The following RBFOX1 variants were observed in gnomAD, a reference collection of about 807,000 sequenced individuals.
The protein encoded by RBFOX1 is RNA binding fox-1 homolog 1.
A neutral mutation model predicts 57.7 loss-of-function variants in RBFOX1; 8 were observed. That is an observed-to-expected ratio of 0.14 (90% CI 0.08 to 0.25). The LOEUF (loss-of-function observed/expected upper bound fraction) is 0.25. Ranked by LOEUF, RBFOX1 falls within the 10% of genes least tolerant of loss-of-function variation. RBFOX1 has a pLI of 1.00. For missense variants in RBFOX1, 611 were observed against 548.5 expected, an observed-to-expected ratio of 1.11 and a Z score of -1.14; for synonymous variants, 326 against 222.4, an observed-to-expected ratio of 1.47 and a Z score of -4.15.
intron 4 of RBFOX1, among the ~76,000 whole-genome samples, chr16:7,380,533 A>T (rs1350993667): frequency 2.0e-5 from 3 of 152,216 alleles, no homozygotes; most frequent in African/African-American, 7.2e-5. Flanking sequence ...CTGTAATTTA[A>T]ACAACCAGTT....
At chr16:7,647,650 A>G (rs2064018317) in intron 11 of RBFOX1, among the ~76,000 whole-genome samples, 1 of 152,176 alleles carries the variant, frequency 6.6e-6, no homozygotes, top group Non-Finnish European at 1.5e-5. Flanking sequence ...AGAGGCATTT[A>G]CAAATACTGG....
intron 4 of RBFOX1, among the ~76,000 whole-genome samples, chr16:7,174,196 G>A (rs79457855): frequency 0.033 from 4,830 of 148,574 alleles, 98 homozygotes; most frequent in South Asian, 0.098. Flanking sequence ...TTTTTTTTTC[G>A]TGAACATGAG....
At chr16:6,504,817 A>G (rs188655999) in intron 2 of RBFOX1, among the ~76,000 whole-genome samples, 1,877 of 152,250 alleles carry the variant, frequency 0.012, 20 homozygotes, top group Non-Finnish European at 0.019. Flanking sequence ...GCACTTTGGG[A>G]GGCCGAGGTG....
intron 1 of RBFOX1, among the ~76,000 whole-genome samples, chr16:5,423,139 G>A (rs2067405361): frequency 6.6e-6 from 1 of 151,778 alleles, no homozygotes; most frequent in South Asian, 2.1e-4. Flanking sequence ...GGTGGAGAGG[G>A]AGAAGGTTGA....
rs1405477299 is a variant in RBFOX1 at position 7,004,898 on chromosome 16, C to G, written c.-15-47159C>G. Among the ~76,000 whole-genome samples the G allele has an allele frequency of 2.6e-5, 4 of 152,104 alleles. No homozygotes were observed. The East Asian group carries it at 7.7e-4, about 29-fold the overall frequency. On this transcript the variant is annotated intron_variant, in intron 3 of 15. Coordinates refer to ENST00000550418, the MANE Select transcript of RBFOX1 (RefSeq NM_018723.4). ...GGTGAGGTGACTCACACCTGTAATT[C>G]CAGGACTTTGTAAGGTGGGCCGATC...
At position 6,494,197 on chromosome 16, in the gene RBFOX1, G is replaced by A. The variant is rs549054620; in HGVS notation, c.-63-160406G>A. Among the ~76,000 whole-genome samples the A allele has an allele frequency of 3.3e-5, 5 of 152,280 alleles. No homozygotes were observed. In the South Asian group the frequency reaches 8.3e-4, roughly 25 times the overall value. ...TCGTATCGAGGATACTGGCATGGCT[G>A]CAATCCACTGACCTTATTTGAATTT... On this transcript the variant is annotated intron_variant, in intron 2 of 15. Transcript: ENST00000550418.
chr16:6,558,806 C>G (rs2097140026), intron 2 of RBFOX1, among the ~76,000 whole-genome samples: 1 of 149,336 alleles, frequency 6.7e-6, no homozygotes, highest in Admixed American at 6.7e-5. Flanking sequence ...CTCAAGCCCA[C>G]TAGCTCTTGC....
At chr16:5,943,284 A>T (rs117684288) in intron 4 of RBFOX1, among the ~76,000 whole-genome samples, 1 of 152,160 alleles carries the variant, frequency 6.6e-6, no homozygotes, top group Non-Finnish European at 1.5e-5. Context: ...CTTTCTTAGT[A>T]TGTAGTCCAG....
At chr16:7,437,709 T>G (rs1232591620) in intron 4 of RBFOX1, among the ~76,000 whole-genome samples, 2 of 152,140 alleles carry the variant, frequency 1.3e-5, no homozygotes, top group East Asian at 1.9e-4. Context: ...GTCTGGAGAT[T>G]AGCCTACTCC....
intron 2 of RBFOX1, among the ~76,000 whole-genome samples, chr16:6,422,798 C>T (rs1381070766): frequency 2.0e-5 from 3 of 152,168 alleles, no homozygotes; most frequent in Admixed American, 2.0e-4. Context: ...AACCACCTCC[C>T]ACCAGGCCCC....
At chr16:6,223,435 A>G (rs1461058553) in intron 1 of RBFOX1, among the ~76,000 whole-genome samples, 1 of 151,256 alleles carries the variant, frequency 6.6e-6, no homozygotes, top group Non-Finnish European at 1.5e-5. Flanking sequence ...TTTGATTTGC[A>G]TTTCTCTGAT....
chr16:5,836,619 C>A (rs530597661), intron 3 of RBFOX1, among the ~76,000 whole-genome samples: 1 of 152,328 alleles, frequency 6.6e-6, no homozygotes, highest in African/African-American at 2.4e-5. Context: ...CACCCTGTCC[C>A]AGGATTTCTC....
intron 3 of RBFOX1, among the ~76,000 whole-genome samples, chr16:6,845,513 T>G (rs193101961): frequency 1.8e-4 from 28 of 152,246 alleles, no homozygotes; most frequent in African/African-American, 6.7e-4. Context: ...TATTTCTGAG[T>G]TCTGTGTTCT....
intron 5 of RBFOX1, among the ~76,000 whole-genome samples, chr16:7,543,276 C>A (rs2083452768): frequency 6.6e-6 from 1 of 152,212 alleles, no homozygotes; most frequent in Non-Finnish European, 1.5e-5. Context: ...CATGACTTCA[C>A]ATAAAGGTTT....
At chr16:6,015,781 T>G (rs537543713), upstream of RBFOX1, among the ~76,000 whole-genome samples, 26 of 152,358 alleles carry the variant, frequency 1.7e-4, no homozygotes, top group African/African-American at 6.0e-4. Context: ...CCTTCTGCCC[T>G]TCTGCCATAT....
chr16:6,697,904 A>T (rs1340304736), intron 3 of RBFOX1, among the ~76,000 whole-genome samples: 2 of 152,204 alleles, frequency 1.3e-5, no homozygotes, highest in African/African-American at 4.8e-5. Context: ...ATGTGGCCAG[A>T]AGACCAAAAG....
intron 11 of RBFOX1, 28 bp from the exon 12 acceptor site, chr16:7,653,783 GCTCT>G (rs3217052): frequency 5.3e-5 from 80 of 1,511,466 alleles, no homozygotes; most frequent in African/African-American, 1.2e-4. Context: ...GACAGCCTGT[GCTCT>G]CTCTCTCTCT....
intron 2 of RBFOX1, among the ~76,000 whole-genome samples, chr16:5,490,251 A>G (rs1310226951): frequency 6.6e-6 from 1 of 152,364 alleles, no homozygotes; most frequent in East Asian, 1.9e-4. Context: ...GTTACATCCC[A>G]AGGCAGACAC....
At chr16:7,439,358 G>C (rs1247975704) in intron 4 of RBFOX1, among the ~76,000 whole-genome samples, 1 of 138,176 alleles carries the variant, frequency 7.2e-6, no homozygotes, top group Non-Finnish European at 1.6e-5. Flanking sequence ...TGCTGTGAAA[G>C]GCAGATTAAA....
Sources: gnomAD v4.1 joint callset for allele counts (sites outside exome capture counted in the v4.1 genomes callset) on GRCh38, gnomAD v4.1.1 for gene constraint, MANE v1.5 for transcripts, NCBI Gene and HGNC (gene_info 2026-07-23, HGNC 2026-07-21) for gene names.